WWOX: variants seen among roughly 807,000 people sequenced by gnomAD.
The protein encoded by WWOX is WW domain-containing oxidoreductase.
Under a neutral mutation model 46.2 loss-of-function variants are expected in WWOX, and 69 were observed. The ratio of observed to expected loss-of-function variants is 1.49; its 90% CI spans 1.23 to 1.82. The LOEUF is 1.82. WWOX is among the 40% of genes most tolerant of loss of function. WWOX has a pLI of 0.00. For synonymous variants in WWOX, 359 were observed against 202.6 expected, an observed-to-expected ratio of 1.77 and a Z score of -6.56; for missense variants, 919 against 542.6, an observed-to-expected ratio of 1.69 and a Z score of -6.89.
At chr16:78,934,508 CAAAAAAAAAAAAA>C (rs760272326) in intron 8 of WWOX, among the ~76,000 whole-genome samples, 7 of 73,906 alleles carry the variant, frequency 9.5e-5, no homozygotes, top group Admixed American at 5.5e-4. Context: ...AACCCTGTAT[CAAAAAAAAAAAAA>C]AAAAAAAAAA....
At chr16:79,008,741 G>A (rs892417477) in intron 8 of WWOX, among the ~76,000 whole-genome samples, 1 of 152,164 alleles carries the variant, frequency 6.6e-6, no homozygotes, top group Non-Finnish European at 1.5e-5. Flanking sequence ...TGACCTTGCT[G>A]TTTGTTGGTT....
chr16:78,877,601 C>A (rs929119114), intron 8 of WWOX, among the ~76,000 whole-genome samples: 1 of 152,168 alleles, frequency 6.6e-6, no homozygotes, highest in Non-Finnish European at 1.5e-5. Context: ...CACATAGATA[C>A]AGACATAGAT....
intron 5 of WWOX, among the ~76,000 whole-genome samples, chr16:78,265,763 T>TC (rs1317925220): frequency 6.6e-6 from 1 of 151,978 alleles, no homozygotes; most frequent in Non-Finnish European, 1.5e-5. Context: ...CTTTTTTTTT[T>TC]CACAGCTGTG....
chr16:79,069,869 T>A (rs373875312), intron 8 of WWOX, among the ~76,000 whole-genome samples: 10 of 152,154 alleles, frequency 6.6e-5, no homozygotes, highest in Non-Finnish European at 1.5e-4. Flanking sequence ...TTGGCCCAAA[T>A]TGACTCATTG....
chr16:79,121,976 T>C (rs1446029948), intron 8 of WWOX, among the ~76,000 whole-genome samples: 1 of 152,084 alleles, frequency 6.6e-6, no homozygotes, highest in Non-Finnish European at 1.5e-5. Flanking sequence ...GGATTTAATA[T>C]AGCGTCAGGC....
intron 5 of WWOX, among the ~76,000 whole-genome samples, chr16:78,260,401 A>G (rs976000160): frequency 1.3e-5 from 2 of 151,770 alleles, no homozygotes; most frequent in African/African-American, 4.9e-5. Context: ...TTACAGGCTC[A>G]GGCCTGTAAT....
intron 5 of WWOX, among the ~76,000 whole-genome samples, chr16:78,303,528 T>C (rs1477073281): frequency 6.6e-6 from 1 of 152,146 alleles, no homozygotes; most frequent in African/African-American, 2.4e-5. Context: ...TTTTGTTTTT[T>C]GTTTTTGTTT....
rs528403808 is a variant in WWOX at position 78,763,530 on chromosome 16, A to C, written c.1056+330778A>C. ...ATGAATGCAATTTTTTACATAGAGT[A>C]TGAAACTCTGTTCCAAATCTCTCAA... On this transcript the variant is annotated intron_variant, in intron 8 of 8. Coordinates refer to ENST00000566780, the MANE Select transcript of WWOX (RefSeq NM_016373.4). Among the ~76,000 whole-genome samples, 16 of 152,288 alleles carry C rather than the reference A, an allele frequency of 1.1e-4. No homozygotes were observed. The East Asian group carries it at 3.1e-3, about 29-fold the overall frequency.
intron 8 of WWOX, among the ~76,000 whole-genome samples, chr16:78,955,692 C>T (rs1254818078): frequency 1.3e-5 from 2 of 149,980 alleles, no homozygotes; most frequent in African/African-American, 4.9e-5. Context: ...GCTCTATTGC[C>T]CAGGCTGGAT....
chr16:78,243,247 C>G (rs1236433268), intron 5 of WWOX, among the ~76,000 whole-genome samples: 1 of 152,150 alleles, frequency 6.6e-6, no homozygotes, highest in Non-Finnish European at 1.5e-5. Flanking sequence ...AATAGTGTAT[C>G]TACTAACACC....
At chr16:78,298,054 C>G (rs1219389165) in intron 5 of WWOX, among the ~76,000 whole-genome samples, 1 of 152,148 alleles carries the variant, frequency 6.6e-6, no homozygotes, top group African/African-American at 2.4e-5. Flanking sequence ...TTGCTCTGTA[C>G]TTCTCTGTTT....
intron 6 of WWOX, among the ~76,000 whole-genome samples, chr16:78,400,413 G>A (rs1022281241): frequency 6.6e-6 from 1 of 152,168 alleles, no homozygotes; most frequent in Non-Finnish European, 1.5e-5. Flanking sequence ...GGCTGTGTGA[G>A]GAATCAGCTG....
intron 8 of WWOX, among the ~76,000 whole-genome samples, chr16:78,585,876 C>T (rs1158813360): frequency 3.9e-5 from 6 of 151,942 alleles, no homozygotes; most frequent in Admixed American, 3.9e-4. Context: ...CTTGTTCTCT[C>T]TTCCAAGCTG....
chr16:78,356,507 T>A (rs1202143032), intron 5 of WWOX, among the ~76,000 whole-genome samples: 1 of 152,112 alleles, frequency 6.6e-6, no homozygotes, highest in Non-Finnish European at 1.5e-5. Context: ...ACCCTAGACC[T>A]CATCTCCAGT....
At chr16:78,792,515 C>T (rs1034599056) in intron 8 of WWOX, among the ~76,000 whole-genome samples, 22 of 152,260 alleles carry the variant, frequency 1.4e-4, no homozygotes, top group Admixed American at 4.6e-4. Context: ...CAAGTCTGCA[C>T]GGCAGAGGGC....
rs144286034 is a variant in WWOX at position 78,673,165 on chromosome 16, G to A, written c.1056+240413G>A. Among the ~76,000 whole-genome samples the A allele has an allele frequency of 4.5e-3, 689 of 152,266 alleles. 3 individuals are homozygous for A. The highest frequency in any genetic ancestry group is 7.6e-3 in the Non-Finnish European group (515 of 68,016). ...AGCTCAAGTCCTCATTCTCATTCAC[G>A]GGAGGCTGCGGCCCTGTGAGGTGAG... is the stretch of plus-strand genomic sequence containing the variant. On this transcript the variant is annotated intron_variant, in intron 8 of 8. Coordinates refer to ENST00000566780, the MANE Select transcript of WWOX (RefSeq NM_016373.4).
At chr16:79,104,912 C>G (rs78512649) in intron 8 of WWOX, among the ~76,000 whole-genome samples, 3,734 of 152,286 alleles carry the variant, frequency 0.025, 172 homozygotes, top group African/African-American at 0.085. Flanking sequence ...AGACTCTGCG[C>G]CTGGCTAATT....
chr16:78,615,573 C>G (rs2046002714), intron 8 of WWOX, among the ~76,000 whole-genome samples: 1 of 151,868 alleles, frequency 6.6e-6, no homozygotes, highest in Non-Finnish European at 1.5e-5. Flanking sequence ...AAGAGAATCC[C>G]CTGAGCCCAG....
At chr16:78,825,848 T>G in intron 8 of WWOX, 1 of 628,354 alleles carries the variant, frequency 1.6e-6, no homozygotes, top group Non-Finnish European at 2.9e-6. Context: ...CATGCTGCCC[T>G]GGGACCCCGC....
Sources: gnomAD v4.1 joint callset for allele counts (sites outside exome capture counted in the v4.1 genomes callset) on GRCh38, gnomAD v4.1.1 for gene constraint, MANE v1.5 for transcripts, NCBI Gene and HGNC (gene_info 2026-07-23, HGNC 2026-07-21) for gene names.